Variants in CAMK1D observed in about 807,000 individuals in gnomAD.
CAMK1D encodes calcium/calmodulin-dependent protein kinase type 1D.
In CAMK1D, 9 loss-of-function variants were observed where a neutral mutation model predicts 47.7. The ratio of observed to expected loss-of-function variants is 0.19; its 90% CI spans 0.11 to 0.33. The LOEUF is 0.33. Among genes scored for constraint, CAMK1D ranks in the 10% least tolerant of loss-of-function variants. The pLI is 1.00. For synonymous variants in CAMK1D, 184 were observed against 184.9 expected (o/e 0.99, Z 0.04); for missense variants, 291 against 488.7 (o/e 0.60, Z 3.81).
chr10:12,825,725 A>G, intron 10 of CAMK1D, 35 bp downstream of exon 10: 1 of 1,613,498 alleles, frequency 6.2e-7, no homozygotes, highest in Non-Finnish European at 8.5e-7. Context: ...CCCTCAGCTG[A>G]CACTGAAGAC....
intron 1 of CAMK1D, among the ~76,000 whole-genome samples, chr10:12,381,037 T>G (rs929569801): frequency 7.2e-5 from 11 of 152,232 alleles, no homozygotes; most frequent in Non-Finnish European, 8.8e-5. Flanking sequence ...CTTGTACATT[T>G]TTATGACTCT....
intron 1 of CAMK1D, among the ~76,000 whole-genome samples, chr10:12,444,304 G>A (rs1356023890): frequency 6.6e-6 from 1 of 152,144 alleles, no homozygotes; most frequent in East Asian, 1.9e-4. Flanking sequence ...AGTTGCTCTG[G>A]TTCAAACGCC....
At chr10:12,577,727 A>G (rs1369876762) in intron 2 of CAMK1D, among the ~76,000 whole-genome samples, 1 of 152,168 alleles carries the variant, frequency 6.6e-6, no homozygotes, top group Non-Finnish European at 1.5e-5. Context: ...TGGAGACCTA[A>G]ACCCCACTCC....
intron 1 of CAMK1D, among the ~76,000 whole-genome samples, chr10:12,502,183 A>G (rs1323044424): frequency 6.6e-6 from 1 of 152,156 alleles, no homozygotes; most frequent in Non-Finnish European, 1.5e-5. Context: ...CGAAGGAATG[A>G]GAGACATCGC....
intron 3 of CAMK1D, among the ~76,000 whole-genome samples, chr10:12,715,866 T>G (rs1834112796): frequency 6.6e-6 from 1 of 151,644 alleles, no homozygotes; most frequent in Non-Finnish European, 1.5e-5. Context: ...CGCGCCACGA[T>G]GCCTAGCTAA....
chr10:12,563,018 T>G (rs761700243), intron 2 of CAMK1D, among the ~76,000 whole-genome samples: 2 of 152,208 alleles, frequency 1.3e-5, no homozygotes, highest in African/African-American at 4.8e-5. Context: ...TATATGTAGA[T>G]ACACAAAAAG....
intron 2 of CAMK1D, among the ~76,000 whole-genome samples, chr10:12,576,658 A>G (rs1837497462): frequency 6.6e-6 from 1 of 152,124 alleles, no homozygotes; most frequent in Admixed American, 6.5e-5. Flanking sequence ...CACAGTTCAC[A>G]ATAGGGTTCA....
intron 1 of CAMK1D, among the ~76,000 whole-genome samples, chr10:12,467,117 A>G (rs112415201): frequency 0.014 from 2,175 of 152,138 alleles, 25 homozygotes; most frequent in Non-Finnish European, 0.022. Flanking sequence ...GGAACGTGTA[A>G]TAAATATTGT....
chr10:12,672,583 C>G (rs929080010), intron 3 of CAMK1D, among the ~76,000 whole-genome samples: 1 of 151,818 alleles, frequency 6.6e-6, no homozygotes, highest in East Asian at 2.0e-4. Context: ...GTTGGCCAGG[C>G]TGGTCCTGAA....
In CAMK1D at chr10:12,633,718, A is replaced by G. The variant is rs544848691; in HGVS notation, c.225-33018A>G. Reference sequence around the variant, plus strand: ...ACCACAGGCACGCACCATCATGCCCAGCTAATTTTTATCTTTTTGGTGGAG... The same window carrying G: ...ACCACAGGCACGCACCATCATGCCCGGCTAATTTTTATCTTTTTGGTGGAG... On this transcript the variant is annotated intron_variant, in intron 2 of 10. Transcript: ENST00000619168. Among the ~76,000 whole-genome samples the G allele has an allele frequency of 7.2e-5, 11 of 152,166 alleles. No individual in the cohort carries two copies. In the East Asian group the frequency reaches 1.7e-3, roughly 24 times the overall value.
At chr10:12,491,146 A>AGAGTGT (rs1554777169) in intron 1 of CAMK1D, among the ~76,000 whole-genome samples, 1 of 127,876 alleles carries the variant, frequency 7.8e-6, no homozygotes, top group African/African-American at 2.8e-5. Flanking sequence ...AGGGTATGAG[A>AGAGTGT]GTATGTGTGT....
At chr10:12,613,393 T>C (rs898634164) in intron 2 of CAMK1D, among the ~76,000 whole-genome samples, 4 of 152,246 alleles carry the variant, frequency 2.6e-5, no homozygotes, top group Admixed American at 6.5e-5. Flanking sequence ...GCCAGTGTTA[T>C]TGAAAAGCCT....
intron 2 of CAMK1D, among the ~76,000 whole-genome samples, chr10:12,631,911 G>A (rs1027387160): frequency 1.3e-5 from 2 of 152,158 alleles, no homozygotes; most frequent in Non-Finnish European, 2.9e-5. Context: ...AGAGCAGACC[G>A]TGTTTCTGTC....
At position 12,520,091 on chromosome 10, in the gene CAMK1D, G is replaced by A. The variant is rs527794308; in HGVS notation, c.93-33134G>A. On this transcript the variant is annotated intron_variant, in intron 1 of 10. Coordinates refer to ENST00000619168, the MANE Select transcript of CAMK1D (RefSeq NM_153498.4). ...GCTGACCCCCCCCCACCTCCCTCCC[G>A]GACGGGGTGGCTGCCGGGCGGAGAG... 1.3e-4 allele frequency among the ~76,000 whole-genome samples: 11 copies of A among 82,836 alleles called. 3 individuals carry two copies. The highest frequency in any genetic ancestry group is 3.8e-4 in the African/African-American group (8 of 20,938). 54.3% of individuals were successfully genotyped at this position (82,836 alleles called of 152,430 possible). A position where few individuals can be genotyped will look rare whatever the true frequency, so the allele number is the denominator to read the frequency against.
chr10:12,682,613 T>G (rs1207764138), intron 3 of CAMK1D, among the ~76,000 whole-genome samples: 1 of 152,152 alleles, frequency 6.6e-6, no homozygotes, highest in African/African-American at 2.4e-5. Context: ...AATATTATGA[T>G]CAGTAGAAAA....
intron 1 of CAMK1D, among the ~76,000 whole-genome samples, chr10:12,542,688 G>A (rs1836235069): frequency 6.6e-6 from 1 of 152,178 alleles, no homozygotes; most frequent in African/African-American, 2.4e-5. Context: ...TGACCATTTT[G>A]TGATTAAATT....
At chr10:12,522,191 C>CT (rs869304123) in intron 1 of CAMK1D, among the ~76,000 whole-genome samples, 953 of 40,376 alleles carry the variant, frequency 0.024, 22 homozygotes, top group East Asian at 0.092. Flanking sequence ...GATATATTTC[C>CT]TTTTTTTTTC....
At chr10:12,616,744 C>G (rs7912748) in intron 2 of CAMK1D, among the ~76,000 whole-genome samples, 53,007 of 151,986 alleles carry the variant, frequency 0.35, 11,641 homozygotes, top group Non-Finnish European at 0.45. Context: ...GTCTCGATCT[C>G]CTGACCTCGT....
intron 1 of CAMK1D, among the ~76,000 whole-genome samples, chr10:12,358,033 T>C (rs893170943): frequency 6.6e-6 from 1 of 152,198 alleles, no homozygotes; most frequent in Non-Finnish European, 1.5e-5. Context: ...TGTCTTGTGC[T>C]GTTTTTCCAA....
Sources: gnomAD v4.1 joint callset for allele counts (sites outside exome capture counted in the v4.1 genomes callset) on GRCh38, gnomAD v4.1.1 for gene constraint, MANE v1.5 for transcripts, NCBI Gene and HGNC (gene_info 2026-07-23, HGNC 2026-07-21) for gene names.